The following CNIH3 variants were observed in gnomAD, a reference collection of about 807,000 sequenced individuals.
The protein encoded by CNIH3 is cornichon family AMPA receptor auxiliary protein 3.
A neutral mutation model predicts 24.1 loss-of-function variants in CNIH3; 14 were observed. The ratio of observed to expected loss-of-function variants is 0.58; its 90% CI spans 0.38 to 0.91. The LOEUF (loss-of-function observed/expected upper bound fraction) is 0.91. Ranked by LOEUF, CNIH3 falls within the 40% of genes least tolerant of loss-of-function variation. The pLI is 0.00. For missense variants in CNIH3, 178 were observed against 196.8 expected, an observed-to-expected ratio of 0.90 and a Z score of 0.57; for synonymous variants, 68 against 73.8, an observed-to-expected ratio of 0.92 and a Z score of 0.40.
intron 1 of CNIH3, among the ~76,000 whole-genome samples, chr1:224,676,166 A>G (rs1340623568): frequency 6.6e-6 from 1 of 152,266 alleles, no homozygotes; most frequent in Non-Finnish European, 1.5e-5. Context: ...GTAAAAGGGA[A>G]CAAACCATTG....
rs1473155676 is a variant in CNIH3, at chr1:224,462,213, AATGTAGG to A, written n.203+27352_203+27358del. Among the ~76,000 whole-genome samples, 3 of 152,292 alleles carry A rather than the reference AATGTAGG, an allele frequency of 2.0e-5. No individual in the cohort carries two copies. The East Asian group carries it at 5.8e-4, about 29-fold the overall frequency. On this transcript the variant is annotated intron_variant and non_coding_transcript_variant, in intron 1 of 5. Coordinates refer to the CNIH3 transcript ENST00000471578. Reference sequence around the variant, plus strand: ...AGTAGGGTTGGTTCACTCTTACCCTAATGTAGGGTTCATGTGGTGTCGTACATTCTAT... The same window carrying A: ...AGTAGGGTTGGTTCACTCTTACCCTAGTTCATGTGGTGTCGTACATTCTAT...
chr1:224,714,005 G>A (rs186879566), intron 3 of CNIH3, among the ~76,000 whole-genome samples: 1 of 152,078 alleles, frequency 6.6e-6, no homozygotes, highest in East Asian at 1.9e-4. Context: ...TGTAGAGATG[G>A]GATTTCACCA....
At chr1:224,488,680 C>G (rs1207745241) in intron 1 of CNIH3, among the ~76,000 whole-genome samples, 3 of 152,152 alleles carry the variant, frequency 2.0e-5, no homozygotes, top group African/African-American at 7.2e-5. Flanking sequence ...GTCACCCAGA[C>G]TAGTCTCAAA....
chr1:224,493,092 T>C (rs1019610241), intron 1 of CNIH3, among the ~76,000 whole-genome samples: 2 of 152,188 alleles, frequency 1.3e-5, no homozygotes, highest in African/African-American at 4.8e-5. Flanking sequence ...TGAAATCTTG[T>C]TTTATTTGTC....
downstream of CNIH3, chr1:224,588,692 A>G (rs912616283): frequency 3.9e-5 from 6 of 151,970 alleles, no homozygotes; most frequent in African/African-American, 1.2e-4. Flanking sequence ...TCTGACAAGC[A>G]GAGGTGTCTG....
downstream of CNIH3, among the ~76,000 whole-genome samples, chr1:224,539,012 C>T (rs559099874): frequency 3.9e-5 from 6 of 152,084 alleles, no homozygotes; most frequent in South Asian, 6.2e-4. Context: ...TTTTATCTTC[C>T]CATGTTTTCC....
At chr1:224,579,922 GC>G (rs1681200702) in intron 4 of CNIH3, among the ~76,000 whole-genome samples, 1 of 152,158 alleles carries the variant, frequency 6.6e-6, no homozygotes, top group Admixed American at 6.6e-5. Context: ...TTTATACCCA[GC>G]CTTAGGTATT....
At chr1:224,545,384 C>G (rs1679664770) in intron 2 of CNIH3, among the ~76,000 whole-genome samples, 1 of 152,212 alleles carries the variant, frequency 6.6e-6, no homozygotes, top group African/African-American at 2.4e-5. Context: ...AACTGTGAGA[C>G]TTGGAGTGAG....
rs1013998478 is a variant in CNIH3, at chr1:224,674,875, A to G, written c.82-6083A>G. On this transcript the variant is annotated intron_variant, in intron 1 of 5. Transcript: ENST00000272133. ...ATGTATATTGCATTATCTTACTGATATAACTTGATCCTTCTCTCTCCCTCT... is the reference window on the plus strand; with the variant it reads ...ATGTATATTGCATTATCTTACTGATGTAACTTGATCCTTCTCTCTCCCTCT... 2.6e-4 allele frequency among the ~76,000 whole-genome samples: 39 copies of G among 152,226 alleles called. 1 individual carries two copies. The highest frequency in any genetic ancestry group is 2.4e-3 in the Admixed American group (36 of 15,298).
chr1:224,543,312 C>A (rs2794807), intron 2 of CNIH3, among the ~76,000 whole-genome samples: 1 of 152,158 alleles, frequency 6.6e-6, no homozygotes, highest in Non-Finnish European at 1.5e-5. Context: ...CCCTGTGTGT[C>A]TGTTTGTTTG....
chr1:224,637,677 T>TG (rs1278536855), intron 1 of CNIH3, among the ~76,000 whole-genome samples: 8 of 152,218 alleles, frequency 5.3e-5, no homozygotes, highest in Non-Finnish European at 8.8e-5. Flanking sequence ...AGGTAATGGC[T>TG]GGCTTATTAC....
intron 3 of CNIH3, among the ~76,000 whole-genome samples, chr1:224,608,780 C>A (rs1294451627): frequency 6.6e-6 from 1 of 152,156 alleles, no homozygotes. Flanking sequence ...GGTGGGCTGT[C>A]CACATGCACA....
In CNIH3 at chr1:224,740,266, G is replaced by C. The variant is rs11585297; in HGVS notation, c.*910G>C. The C allele has an allele frequency of 6.6e-6, 1 of 152,164 alleles. No homozygotes were observed. Among genetic ancestry groups the C allele is most frequent in the Non-Finnish European group, 1.5e-5 (1 of 68,034 alleles). The allele number at this position is 152,164 out of a possible 1,614,324, so 9.4% of individuals were successfully genotyped here. On this transcript the variant is annotated 3_prime_UTR_variant, in exon 6 of 6. Coordinates refer to ENST00000272133, the MANE Select transcript of CNIH3 (RefSeq NM_152495.2). ...CATCATTTGTACTGTTTAGGTCGAC[G>C]TGAGGACATCATCTTATTTAGAATT...
At chr1:224,470,614 C>T (rs1676332404) in intron 1 of CNIH3, among the ~76,000 whole-genome samples, 1 of 152,132 alleles carries the variant, frequency 6.6e-6, no homozygotes, top group African/African-American at 2.4e-5. Context: ...GCCACCACAC[C>T]CAGCCCTCTT....
At chr1:224,465,064 G>A (rs1260291183) in intron 1 of CNIH3, among the ~76,000 whole-genome samples, 2 of 151,766 alleles carry the variant, frequency 1.3e-5, no homozygotes, top group Admixed American at 6.6e-5. Flanking sequence ...AAAGTGCTGA[G>A]ATTAGAGATG....
Position 224,616,895 on chromosome 1 carries a change from T to G in CNIH3, c.-280T>G. ...TAATTTGCAGGTGTTCGCTGCTGAT[T>G]TGGTTTCTTCTTCGATTTGCGGACG... On this transcript the variant is annotated 5_prime_UTR_variant, in exon 1 of 6. The change creates a new upstream start codon in the 5' untranslated region. Transcript: ENST00000272133. The G allele has an allele frequency of 7.9e-7, 1 of 1,273,876 alleles. No individual in the cohort carries two copies. The highest frequency in any genetic ancestry group is 9.9e-7 in the Non-Finnish European group (1 of 1,010,456). The allele number at this position is 1,273,876 out of a possible 1,614,324, so 78.9% of individuals were successfully genotyped here.
intron 1 of CNIH3, among the ~76,000 whole-genome samples, chr1:224,639,722 A>G (rs1389613511): frequency 6.6e-6 from 1 of 152,178 alleles, no homozygotes; most frequent in African/African-American, 2.4e-5. Context: ...TTTGTTCTAA[A>G]TTTCTTCCTG....
At position 224,652,606 on chromosome 1, in the gene CNIH3, C is replaced by G. The variant is rs147020846; in HGVS notation, c.82-28352C>G. On this transcript the variant is annotated intron_variant, in intron 1 of 5. Transcript: ENST00000272133. ...GAGCGTCGGGCCCCTGATAGGTGTT[C>G]CAGGTATGGCGAGCCAGTCCTCTAC... 2.8e-3 allele frequency among the ~76,000 whole-genome samples: 430 copies of G among 152,162 alleles called. 2 individuals are homozygous for G. The highest frequency in any genetic ancestry group is 1.0e-2 in the African/African-American group (414 of 41,508).
intron 1 of CNIH3, among the ~76,000 whole-genome samples, chr1:224,519,041 A>G (rs757298765): frequency 5.3e-5 from 8 of 152,224 alleles, no homozygotes; most frequent in Non-Finnish European, 1.0e-4. Context: ...TGTTCTGCAG[A>G]TGAAATGAGG....
Sources: gnomAD v4.1 joint callset for allele counts (sites outside exome capture counted in the v4.1 genomes callset) on GRCh38, gnomAD v4.1.1 for gene constraint, MANE v1.5 for transcripts, NCBI Gene and HGNC (gene_info 2026-07-23, HGNC 2026-07-21) for gene names.